Variants in CEP152 observed in about 807,000 individuals in gnomAD.
CEP152 encodes the protein centrosomal protein of 152 kDa.
CEP152 carries 132 observed loss-of-function variants against 188.9 expected under a neutral mutation model. The observed-to-expected ratio is 0.70, with a 90% CI of 0.61 to 0.81. CEP152 has a LOEUF of 0.81. Among genes scored for constraint, CEP152 ranks in the 30% least tolerant of loss-of-function variants. The probability of loss-of-function intolerance (pLI) is 0.00; values close to 1 mark genes in which losing one functional copy is unlikely to be tolerated. For missense variants in CEP152, 1,914 were observed against 1,969.8 expected, an observed-to-expected ratio of 0.97 and a Z score of 0.54; for synonymous variants, 649 against 666.6, an observed-to-expected ratio of 0.97 and a Z score of 0.41.
At chr15:48,801,801 C>T (rs1897682308) in intron 2 of CEP152, among the ~76,000 whole-genome samples, 1 of 152,062 alleles carries the variant, frequency 6.6e-6, no homozygotes, top group South Asian at 2.1e-4. Flanking sequence ...TACAAAAAGA[C>T]CTTTATCTGG....
chr15:48,733,841 G>A (rs571193673), downstream of CEP152, among the ~76,000 whole-genome samples: 6 of 152,090 alleles, frequency 3.9e-5, no homozygotes, highest in South Asian at 1.2e-3. Flanking sequence ...TGACCATAAG[G>A]CAGTGGAATG....
intron 2 of CEP152, among the ~76,000 whole-genome samples, chr15:48,732,584 G>A (rs1036166484): frequency 5.3e-5 from 8 of 151,570 alleles, no homozygotes; most frequent in African/African-American, 1.9e-4. Flanking sequence ...AAGAGGATGG[G>A]TCAATAGGTG....
At chr15:48,747,876 AAGG>A in intron 22 of CEP152, among the ~76,000 whole-genome samples, 1 of 152,150 alleles carries the variant, frequency 6.6e-6, no homozygotes. Flanking sequence ...AATGGACTAG[AAGG>A]AGGCCAGTCC....
intron 6 of CEP152, among the ~76,000 whole-genome samples, chr15:48,795,560 G>T (rs1460149998): frequency 6.6e-6 from 1 of 152,096 alleles, no homozygotes; most frequent in Non-Finnish European, 1.5e-5. Context: ...TATGATAGGC[G>T]AGGATACTTA....
chr15:48,773,680 A>G (rs1423189679), intron 12 of CEP152: 2 of 152,254 alleles, frequency 1.3e-5, no homozygotes, highest in Non-Finnish European at 2.9e-5. Context: ...TTTAAAGGGC[A>G]TCAAATAATA....
In CEP152 at chr15:48,772,699, A is replaced by T. The variant is rs1377792460; in HGVS notation, c.1578-8T>A. The T allele has an allele frequency of 2.5e-6, 4 of 1,609,686 alleles. No individual in the cohort carries two copies. Among genetic ancestry groups the T allele is most frequent in the Non-Finnish European group, 3.4e-6 (4 of 1,176,200 alleles). ...TCTTCTTCTTGTACAATGCTAATGGAGAAATTGTGATTTTTAACATTAAAT... is the reference window on the plus strand; with the variant it reads ...TCTTCTTCTTGTACAATGCTAATGGTGAAATTGTGATTTTTAACATTAAAT... On this transcript the variant is annotated splice_polypyrimidine_tract_variant and splice_region_variant and intron_variant, in intron 12 of 26. Coordinates refer to ENST00000380950, the MANE Select transcript of CEP152 (RefSeq NM_001194998.2).
At chr15:48,795,233 T>TA (rs1306159475) in intron 6 of CEP152, among the ~76,000 whole-genome samples, 1 of 152,198 alleles carries the variant, frequency 6.6e-6, no homozygotes, top group Non-Finnish European at 1.5e-5. Flanking sequence ...CTCTAGTACC[T>TA]ATAAGCACTT....
chr15:48,745,904 C>T (rs1350738345), intron 22 of CEP152, among the ~76,000 whole-genome samples: 1 of 152,090 alleles, frequency 6.6e-6, no homozygotes, highest in Non-Finnish European at 1.5e-5. Flanking sequence ...ATGCACAACA[C>T]CTACACAAGG....
intron 17 of CEP152, among the ~76,000 whole-genome samples, chr15:48,763,618 G>A (rs959000054): frequency 6.6e-6 from 1 of 151,234 alleles, no homozygotes; most frequent in African/African-American, 2.4e-5. Flanking sequence ...AGGTTGCAGT[G>A]AGCCGAGATC....
At position 48,768,302 on chromosome 15, in the gene CEP152, C is replaced by G; in HGVS notation, c.1935G>C (p.Leu645=). 6.2e-7 allele frequency: 1 copy of G among 1,606,516 alleles called. No individual in the cohort carries two copies. Among genetic ancestry groups the G allele is most frequent in the Non-Finnish European group, 8.5e-7 (1 of 1,173,168 alleles). ...NQELKETEGK[L]RNTNQDLCNQ... The stretch of plus-strand genomic sequence containing the variant: ...TACATAAGTCTTGATTTGTATTTCT[C>G]AGTTTTCCTTCAGTTTCTTTAAGTT... Residue 645 remains leucine (L), a synonymous_variant, in exon 15 of 27, where the codon CTG becomes CTC. Coordinates refer to ENST00000380950, the MANE Select transcript of CEP152 (RefSeq NM_001194998.2).
Position 48,762,640 on chromosome 15 carries a change from C to T in CEP152, c.2313G>A (p.Lys771=), listed in dbSNP as rs777062390. 89 of 1,613,780 alleles carry T rather than the reference C, an allele frequency of 5.5e-5. 1 individual carries two copies. The South Asian group carries it at 9.4e-4, about 17-fold the overall frequency. Residue 771 remains lysine, a synonymous_variant, in exon 18 of 27, where the codon AAG becomes AAA. Transcript: ENST00000380950. Reference sequence around the variant, plus strand: ...TTTGATCCAGCTTAGACTGCCACTCCTTTTCAAGCTGTTGAATGAGTTTTT... The same window carrying T: ...TTTGATCCAGCTTAGACTGCCACTCTTTTTCAAGCTGTTGAATGAGTTTTT... ...IKEKLIQQLE[K]EWQSKLDQTI...
At chr15:48,756,664 A>G in intron 19 of CEP152, 111 bp from the exon 20 acceptor site, 2 of 956,110 alleles carry the variant, frequency 2.1e-6, no homozygotes, top group Non-Finnish European at 3.1e-6. Context: ...TGTAAAATCA[A>G]AATTAAAAGG....
rs190166396 is a variant in CEP152 at position 48,764,942 on chromosome 15, C to G, written c.2280+2118G>C. The stretch of plus-strand genomic sequence containing the variant: ...AAGAGCTACCCCAGAAGTGCCCTCA[C>G]TTGTTCTAGAGTTTAGTAACATTCT... On this transcript the variant is annotated intron_variant, in intron 17 of 26. Transcript: ENST00000380950. Among the ~76,000 whole-genome samples, 231 of 151,518 alleles carry G rather than the reference C, an allele frequency of 1.5e-3. 1 individual carries two copies. The South Asian group carries it at 0.016, about 11-fold the overall frequency.
rs183100859 is a variant in CEP152 at position 48,730,004 on chromosome 15, A to C, written c.142+11627T>G. ...AAGAAGCTCCCCACCGGCCCCCCCC[A>C]AAAAAAATTACTACAAAACTGAAAA... On this transcript the variant is annotated intron_variant and NMD_transcript_variant, in intron 2 of 3. Transcript: ENST00000561245. Among the ~76,000 whole-genome samples, 1,337 of 151,258 alleles carry C rather than the reference A, an allele frequency of 8.8e-3. 8 individuals carry two copies. The highest frequency in any genetic ancestry group is 0.013 in the African/African-American group (544 of 41,144).
intron 1 of CEP152, among the ~76,000 whole-genome samples, chr15:48,808,334 T>C (rs1898121108): frequency 6.8e-6 from 1 of 147,808 alleles, no homozygotes; most frequent in African/African-American, 2.5e-5. Flanking sequence ...CCACAAAAAA[T>C]AAAATTTTGT....
intron 2 of CEP152, among the ~76,000 whole-genome samples, chr15:48,803,277 T>C (rs1897786935): frequency 6.6e-6 from 1 of 152,196 alleles, no homozygotes; most frequent in African/African-American, 2.4e-5. Context: ...CTTAAGGCTG[T>C]GAACCATTTG....
intron 14 of CEP152, 66 bp downstream of exon 14, chr15:48,768,890 T>C (rs890286651): frequency 3.3e-5 from 41 of 1,243,606 alleles, no homozygotes; most frequent in Non-Finnish European, 4.6e-5. Context: ...AAAAACTCTA[T>C]TATATCCTTT....
chr15:48,785,058 A>G lies in CEP152; in HGVS notation c.1174-938T>C, dbSNP rs117052729. ...TAACTGAAATTACCCAAGAAAACCTAAAGAAAATAAGAAATAAGAAGAATA... is the reference window on the plus strand; with the variant it reads ...TAACTGAAATTACCCAAGAAAACCTGAAGAAAATAAGAAATAAGAAGAATA... On this transcript the variant is annotated intron_variant, in intron 9 of 26. Transcript: ENST00000380950. Among the ~76,000 whole-genome samples the G allele has an allele frequency of 9.0e-3, 1,365 of 152,290 alleles. 15 individuals carry two copies. Among genetic ancestry groups the G allele is most frequent in the Non-Finnish European group, 0.015 (1,037 of 68,006 alleles).
At chr15:48,760,965 G>C (rs1031375466) in intron 18 of CEP152, among the ~76,000 whole-genome samples, 15 of 152,074 alleles carry the variant, frequency 9.9e-5, no homozygotes, top group African/African-American at 3.6e-4. Flanking sequence ...TCTCGTTAAA[G>C]TGCTAAATAT....
Sources: gnomAD v4.1 joint callset for allele counts (sites outside exome capture counted in the v4.1 genomes callset) on GRCh38, gnomAD v4.1.1 for gene constraint, MANE v1.5 for transcripts, NCBI Gene and HGNC (gene_info 2026-07-23, HGNC 2026-07-21) for gene names.